Variants in COL12A1 observed in about 807,000 individuals in gnomAD.
The protein encoded by COL12A1 is collagen type XII alpha 1 chain.
Under a neutral mutation model 349.7 loss-of-function variants are expected in COL12A1, and 114 were observed. The ratio of observed to expected loss-of-function variants is 0.33; its 90% CI spans 0.28 to 0.38. The LOEUF (loss-of-function observed/expected upper bound fraction) is 0.38, where lower values mean the gene tolerates loss of function less well. COL12A1 is among the 10% of genes least tolerant of loss of function. The pLI, the probability that COL12A1 is intolerant of heterozygous loss-of-function variation, is 1.00. For missense variants in COL12A1, 3,284 were observed against 3,756.9 expected (o/e 0.87, Z 3.29); for synonymous variants, 1,369 against 1,329.0 (o/e 1.03, Z -0.66).
chr6:75,190,321 T>C (rs577796114), intron 5 of COL12A1, among the ~76,000 whole-genome samples: 6 of 152,096 alleles, frequency 3.9e-5, no homozygotes, highest in African/African-American at 1.4e-4. Context: ...AATTTGTTAA[T>C]ATACTCTTGC....
chr6:75,129,865 T>C (rs937272140), intron 37 of COL12A1, among the ~76,000 whole-genome samples: 2 of 152,204 alleles, frequency 1.3e-5, no homozygotes, highest in African/African-American at 4.8e-5. Flanking sequence ...TTTCTATCTG[T>C]CTTTAGAATA....
chr6:75,090,646 A>AT lies in COL12A1; in HGVS notation c.8753-349dup, dbSNP rs529288654. ...TTTTTTATAATTAGATAATTCTACA[A>AT]TTTTTTGTATATCTAAGGCAATGAT... On this transcript the variant is annotated intron_variant, in intron 62 of 65. Coordinates refer to ENST00000322507, the MANE Select transcript of COL12A1 (RefSeq NM_004370.6). This position sits in a 1 kb window ranked among gnomAD's most constrained non-coding sequence, Gnocchi z 4.1. Among the ~76,000 whole-genome samples, 101 of 152,296 alleles carry AT rather than the reference A, an allele frequency of 6.6e-4. No homozygotes were observed. The highest frequency in any genetic ancestry group is 1.2e-3 in the Non-Finnish European group (83 of 68,024).
chr6:75,090,902 G>A lies in COL12A1; in HGVS notation c.8752+421C>T. Among the ~76,000 whole-genome samples, 1 of 152,110 alleles carries A rather than the reference G, an allele frequency of 6.6e-6. No homozygotes were observed. ...AGTTATGGGTTTAAGGCCCACACCA[G>A]TCTGCAGGTACTGAGCTTCATTACT... On this transcript the variant is annotated intron_variant, in intron 62 of 65. Coordinates refer to ENST00000322507, the MANE Select transcript of COL12A1 (RefSeq NM_004370.6). This position sits in a 1 kb window ranked among gnomAD's most constrained non-coding sequence, Gnocchi z 4.1.
chr6:75,112,070 T>G (rs1315178297), intron 51 of COL12A1, among the ~76,000 whole-genome samples: 2 of 151,836 alleles, frequency 1.3e-5, no homozygotes, highest in Non-Finnish European at 3.0e-5. Flanking sequence ...GGGCTAATCT[T>G]TCTACATGCC....
chr6:75,088,464 A>C (rs1158009985), intron 64 of COL12A1, among the ~76,000 whole-genome samples: 1 of 151,886 alleles, frequency 6.6e-6, no homozygotes, highest in Non-Finnish European at 1.5e-5. Context: ...AGGCCAAAAA[A>C]AAAACAAATA....
rs183466209 is a variant in COL12A1, at chr6:75,157,396, C to T, written c.2984-873G>A. On this transcript the variant is annotated intron_variant, in intron 14 of 65. Transcript: ENST00000322507. ...CTTTCCTGATTGTAAGAGAAAATTT[C>T]GTGTTCAAGTGGTCAAGAGCCATTT... Among the ~76,000 whole-genome samples the T allele has an allele frequency of 5.1e-3, 772 of 151,518 alleles. 4 individuals carry two copies. The highest frequency in any genetic ancestry group is 0.018 in the African/African-American group (734 of 41,306).
At position 75,138,952 on chromosome 6, in the gene COL12A1, G is replaced by T; in HGVS notation, c.4967C>A (p.Pro1656Gln). Residue 1656 changes from proline (P) to glutamine (Q), a missense_variant, in exon 28 of 66, where the codon CCA becomes CAA. Pro to Gln is a moderately conservative substitution (Grantham distance 76). Coordinates refer to ENST00000322507, the MANE Select transcript of COL12A1 (RefSeq NM_004370.6). ...AGTAATCTTTAAGTTTGTTGGGGCT[G>T]GCACGGGTCCTATCATGAGAAAAGG... ...VTAQETTRPV[P>Q]APTNLKITEV... is the part of the protein sequence containing the mutation. The T allele has an allele frequency of 6.2e-7, 1 of 1,613,986 alleles. No homozygotes were observed. The highest frequency in any genetic ancestry group is 1.1e-5 in the South Asian group (1 of 91,064).
intron 43 of COL12A1, among the ~76,000 whole-genome samples, chr6:75,121,788 G>A (rs951672079): frequency 4.0e-5 from 6 of 151,780 alleles, no homozygotes; most frequent in Non-Finnish European, 7.4e-5. Flanking sequence ...ATAAATGAGA[G>A]GAGAAATCAA....
Position 75,115,866 on chromosome 6 carries a change from C to G in COL12A1, c.7615G>C (p.Gly2539Arg). 1 of 1,613,630 alleles carries G rather than the reference C, an allele frequency of 6.2e-7. No individual in the cohort carries two copies. The highest frequency in any genetic ancestry group is 1.3e-5 in the African/African-American group (1 of 75,006). The change falls in exon 49 of 66, where the codon GGA becomes CGA. Residue 2539 changes from glycine to arginine, a missense_variant. Physicochemically the swap from Gly to Arg is moderately radical, Grantham distance 125. Coordinates refer to ENST00000322507, the MANE Select transcript of COL12A1 (RefSeq NM_004370.6). ...AAAGACCCTGACTCCAAAGATACTC[C>G]TTGTACAGAAGCAAAATTCTTTTCT... ...LTEKNFASVQ[G>R]VSLESGSFPS...
chr6:75,177,586 A>T, intron 12 of COL12A1, 77 bp downstream of exon 12: 1 of 1,546,082 alleles, frequency 6.5e-7, no homozygotes, highest in African/African-American at 1.4e-5. Context: ...TTAGTTTTTT[A>T]TCTGGATAGT....
chr6:75,096,901 A>AAAT (rs1381901397), intron 59 of COL12A1, among the ~76,000 whole-genome samples: 2 of 151,134 alleles, frequency 1.3e-5, no homozygotes, highest in African/African-American at 4.8e-5. Flanking sequence ...GTCTCAAAAA[A>AAAT]AAAAAAAAAA....
chr6:75,189,209 T>C lies in COL12A1; in HGVS notation c.823+8A>G, dbSNP rs1769795222. On this transcript the variant is annotated splice_region_variant and intron_variant, in intron 7 of 65. Coordinates refer to ENST00000322507, the MANE Select transcript of COL12A1 (RefSeq NM_004370.6). ...TAAAATGGAAATAATTAACTGAACTTAACCTACCCAAGGAGAAAACTTCAA... is the reference window on the plus strand; with the variant it reads ...TAAAATGGAAATAATTAACTGAACTCAACCTACCCAAGGAGAAAACTTCAA... 6.2e-7 allele frequency: 1 copy of C among 1,611,802 alleles called. No individual in the cohort carries two copies. Among genetic ancestry groups the C allele is most frequent in the Non-Finnish European group, 8.5e-7 (1 of 1,179,020 alleles).
chr6:75,139,545 T>C (rs1167992393), intron 27 of COL12A1, among the ~76,000 whole-genome samples: 1 of 152,232 alleles, frequency 6.6e-6, no homozygotes, highest in Non-Finnish European at 1.5e-5. Flanking sequence ...TGAGAATGTC[T>C]GCCTAGCTGT....
Position 75,125,594 on chromosome 6 carries a change from G to A in COL12A1, c.6461-321C>T, listed in dbSNP as rs1019076526. On this transcript the variant is annotated intron_variant, in intron 39 of 65. Coordinates refer to ENST00000322507, the MANE Select transcript of COL12A1 (RefSeq NM_004370.6). ...TTGCCAACATAGTGTTTTGCATATA[G>A]TAGGTGTCCAACTGACACTTTTTCA... 3.3e-5 allele frequency among the ~76,000 whole-genome samples: 5 copies of A among 152,200 alleles called. No individual in the cohort carries two copies. The South Asian group carries it at 6.2e-4, about 19-fold the overall frequency.
chr6:75,102,672 T>C lies in COL12A1; in HGVS notation c.8340A>G (p.Gly2780=). The part of the protein sequence containing the change: ...SGAIGPPGPR[G]DIGPPGPQGP... ...CCTGGGGGCCTGGAGGACCTATGTC[T>C]CCACGAGGACCAGGGGGCCCCTAAA... Residue 2780 remains glycine (G), a synonymous_variant, in exon 56 of 66, where the codon GGA becomes GGG. Transcript: ENST00000322507. The C allele has an allele frequency of 1.3e-6, 2 of 1,564,566 alleles. No homozygotes were observed. The highest frequency in any genetic ancestry group is 4.8e-5 in the East Asian group (2 of 41,790).
chr6:75,191,569 C>T (rs1582212882), intron 5 of COL12A1, 132 bp downstream of exon 5: 1 of 479,896 alleles, frequency 2.1e-6, no homozygotes, highest in Non-Finnish European at 3.5e-6. Flanking sequence ...ATTGTCTGTG[C>T]TCCTTCCAGA....
intron 24 of COL12A1, 127 bp from the exon 25 acceptor site, chr6:75,145,582 T>A: frequency 1.1e-6 from 1 of 894,914 alleles, no homozygotes; most frequent in Non-Finnish European, 1.6e-6. Context: ...ATTTATAAGA[T>A]TACATCTCCT....
At position 75,143,303 on chromosome 6, in the gene COL12A1, T is replaced by G. The variant is rs745753585; in HGVS notation, c.4776A>C (p.Lys1592Asn). The G allele has an allele frequency of 1.2e-6, 2 of 1,613,942 alleles. No individual in the cohort carries two copies. The highest frequency in any genetic ancestry group is 8.5e-7 in the Non-Finnish European group (1 of 1,179,936). Residue 1592 changes from lysine (K) to asparagine (N), a missense_variant, in exon 26 of 66, where the codon AAA becomes AAC. By Grantham distance (94) the Lys-to-Asn change is moderately conservative (BLOSUM62 0). Around this residue, in one of 2 missense-constraint regions of COL12A1, gnomAD observed 2,601 missense variants for 2,824.8 expected, o/e 0.92. Transcript: ENST00000322507. ...MNVFWEPVPGKVRKYIVRYKT... is the reference protein window; with the variant it reads ...MNVFWEPVPGNVRKYIVRYKT... The stretch of plus-strand genomic sequence containing the variant: ...TGTATCGAACAATATATTTACGCAC[T>G]TTTCCAGGCACAGGTTCCCAAAAGA...
intron 52 of COL12A1, among the ~76,000 whole-genome samples, chr6:75,107,450 T>C (rs1401012206): frequency 6.6e-6 from 1 of 152,146 alleles, no homozygotes; most frequent in Admixed American, 6.5e-5. Flanking sequence ...TTTGTTTTTT[T>C]AGTAGAGACG....
Sources: allele counts gnomAD v4.1 joint callset (sites outside exome capture counted in the v4.1 genomes callset), GRCh38; gene constraint gnomAD v4.1.1; regional missense constraint gnomAD v4.1.1; non-coding constraint Gnocchi (gnomAD v3.1); transcripts MANE v1.5; gene names NCBI Gene and HGNC (gene_info 2026-07-23, HGNC 2026-07-21).